The following ERBB4 variants were observed in gnomAD, a reference collection of about 807,000 sequenced individuals.
ERBB4 encodes the protein receptor tyrosine-protein kinase erbB-4.
ERBB4 carries 42 observed loss-of-function variants against 158.0 expected under a neutral mutation model. The observed-to-expected ratio is 0.27, with a 90% confidence interval of 0.21 to 0.34. The LOEUF (loss-of-function observed/expected upper bound fraction) is 0.34. Ranked by LOEUF, ERBB4 falls within the 10% of genes least tolerant of loss-of-function variation. ERBB4 has a pLI of 1.00. For synonymous variants in ERBB4, 583 were observed against 558.7 expected (o/e 1.04, Z -0.61); for missense variants, 1,333 against 1,624.1 (o/e 0.82, Z 3.08).
chr2:212,029,325 G>C (rs1363269899), intron 2 of ERBB4, among the ~76,000 whole-genome samples: 1 of 151,792 alleles, frequency 6.6e-6, no homozygotes, highest in Non-Finnish European at 1.5e-5. Context: ...TCTTTCCTGG[G>C]CAAAGCCCTG....
chr2:211,929,341 T>C (rs2080109831), intron 3 of ERBB4, among the ~76,000 whole-genome samples: 2 of 151,792 alleles, frequency 1.3e-5, no homozygotes, highest in African/African-American at 4.8e-5. Flanking sequence ...CTCTTTCTCT[T>C]GGCAGTATGT....
Position 211,552,619 on chromosome 2 carries a change from GA to G in ERBB4, c.2487+9283del, listed in dbSNP as rs568116704. Among the ~76,000 whole-genome samples, 49 of 150,870 alleles carry G rather than the reference GA, an allele frequency of 3.2e-4. No individual in the cohort carries two copies. In the South Asian group the frequency reaches 6.5e-3, roughly 20 times the overall value. On this transcript the variant is annotated intron_variant, in intron 20 of 27. Coordinates refer to ENST00000342788, the MANE Select transcript of ERBB4 (RefSeq NM_005235.3). ...TAACCTCAAATCAATTAGGGCACCG[GA>G]AAAAAAAATCTGACAAGGTAAATAG...
chr2:211,790,337 G>T (rs929663925), intron 3 of ERBB4, among the ~76,000 whole-genome samples: 1 of 151,954 alleles, frequency 6.6e-6, no homozygotes, highest in South Asian at 2.1e-4. Flanking sequence ...AAAGTGAAAA[G>T]GTAATAGCTC....
At chr2:212,348,794 T>C (rs1296590539) in intron 1 of ERBB4, among the ~76,000 whole-genome samples, 2 of 152,068 alleles carry the variant, frequency 1.3e-5, no homozygotes, top group African/African-American at 4.8e-5. Flanking sequence ...CAAAACCTGC[T>C]TTTAAAAAAC....
intron 12 of ERBB4, among the ~76,000 whole-genome samples, chr2:211,682,554 A>G (rs2072393497): frequency 6.6e-6 from 1 of 152,170 alleles, no homozygotes. Context: ...ATGAACAATC[A>G]CAGGTACTAT....
chr2:211,384,395 G>A (rs1417834868), intron 27 of ERBB4, among the ~76,000 whole-genome samples: 4 of 152,036 alleles, frequency 2.6e-5, no homozygotes, highest in Non-Finnish European at 5.9e-5. Flanking sequence ...TTTATATTAG[G>A]AAATAAGACT....
chr2:212,505,570 A>T (rs1164158785), intron 1 of ERBB4, among the ~76,000 whole-genome samples: 1 of 149,096 alleles, frequency 6.7e-6, no homozygotes, highest in Non-Finnish European at 1.5e-5. Flanking sequence ...TGGCTATGCC[A>T]AAAAGGCGAT....
At chr2:211,910,722 A>T (rs2079521208) in intron 3 of ERBB4, among the ~76,000 whole-genome samples, 1 of 152,092 alleles carries the variant, frequency 6.6e-6, no homozygotes, top group Admixed American at 6.5e-5. Context: ...CCCTAAACTT[A>T]AAAGTTTTTA....
intron 4 of ERBB4, among the ~76,000 whole-genome samples, chr2:211,756,827 G>A (rs1343259741): frequency 1.3e-5 from 2 of 152,312 alleles, no homozygotes; most frequent in Non-Finnish European, 2.9e-5. Flanking sequence ...CAATGCTTTA[G>A]TATTAGAGCT....
intron 1 of ERBB4, among the ~76,000 whole-genome samples, chr2:212,314,543 T>A (rs1326499226): frequency 6.6e-6 from 1 of 151,142 alleles, no homozygotes; most frequent in Non-Finnish European, 1.5e-5. Context: ...TCAATTCTAC[T>A]AAGCAGTATA....
intron 20 of ERBB4, among the ~76,000 whole-genome samples, chr2:211,480,856 T>C (rs12986810): frequency 6.6e-6 from 1 of 152,198 alleles, no homozygotes; most frequent in African/African-American, 2.4e-5. Context: ...CATATCATTC[T>C]CCTGAAAAGA....
chr2:212,432,223 T>A (rs1484279688), intron 1 of ERBB4, among the ~76,000 whole-genome samples: 1 of 152,220 alleles, frequency 6.6e-6, no homozygotes, highest in African/African-American at 2.4e-5. Flanking sequence ...CTAATTTTTT[T>A]AGGCTTGTTA....
intron 15 of ERBB4, among the ~76,000 whole-genome samples, chr2:211,661,024 A>G (rs2071403615): frequency 6.6e-6 from 1 of 152,090 alleles, no homozygotes; most frequent in Non-Finnish European, 1.5e-5. Context: ...CAAATTGGAG[A>G]TAGAAAAATA....
At chr2:212,151,740 C>T (rs1351200531) in intron 1 of ERBB4, among the ~76,000 whole-genome samples, 1 of 151,790 alleles carries the variant, frequency 6.6e-6, no homozygotes, top group African/African-American at 2.4e-5. Context: ...AATACAAAAA[C>T]CAGCTGGGCA....
intron 1 of ERBB4, among the ~76,000 whole-genome samples, chr2:212,384,291 A>C (rs542215904): frequency 6.6e-6 from 1 of 151,704 alleles, no homozygotes; most frequent in Non-Finnish European, 1.5e-5. Flanking sequence ...GATTTTTAGC[A>C]GTGACTTAAG....
intron 2 of ERBB4, among the ~76,000 whole-genome samples, chr2:212,103,668 T>G (rs73987232): frequency 6.6e-6 from 1 of 151,714 alleles, no homozygotes; most frequent in Non-Finnish European, 1.5e-5. Flanking sequence ...AGGGATTCAT[T>G]AGAAAGGGAA....
intron 5 of ERBB4, among the ~76,000 whole-genome samples, chr2:211,740,776 A>G (rs911611291): frequency 6.6e-6 from 1 of 151,666 alleles, no homozygotes; most frequent in East Asian, 1.9e-4. Flanking sequence ...ACACCCGACT[A>G]ATTTTTTGTA....
chr2:211,734,832 A>G (rs1575069871), intron 5 of ERBB4, among the ~76,000 whole-genome samples: 1 of 146,656 alleles, frequency 6.8e-6, no homozygotes, highest in Admixed American at 6.9e-5. Context: ...GAGGCAGGAG[A>G]ATGGTATGAA....
chr2:211,753,283 A>AG (rs1472840210), intron 4 of ERBB4, among the ~76,000 whole-genome samples: 1 of 151,778 alleles, frequency 6.6e-6, no homozygotes, highest in Non-Finnish European at 1.5e-5. Flanking sequence ...AGCATAGAAA[A>AG]AAAAAAACAA....
Sources: allele counts gnomAD v4.1 joint callset (sites outside exome capture counted in the v4.1 genomes callset), GRCh38; gene constraint gnomAD v4.1.1; transcripts MANE v1.5; gene names NCBI Gene and HGNC (gene_info 2026-07-23, HGNC 2026-07-21).